Variants in TMEM50B observed in about 807,000 individuals in gnomAD.
The protein encoded by TMEM50B is HCV p7-trans-regulated protein 3.
In TMEM50B, 14 loss-of-function variants were observed where a neutral mutation model predicts 23.4. The ratio of observed to expected loss-of-function variants is 0.60; its 90% CI spans 0.39 to 0.93. The LOEUF is 0.93. TMEM50B is among the 40% of genes least tolerant of loss of function. The pLI, the probability that TMEM50B is intolerant of heterozygous loss-of-function variation, is 0.00. For synonymous variants in TMEM50B, 64 were observed against 62.3 expected, an observed-to-expected ratio of 1.03 and a Z score of -0.13; for missense variants, 159 against 193.0, an observed-to-expected ratio of 0.82 and a Z score of 1.04.
At chr21:33,472,567 A>C (rs35330441) in intron 1 of TMEM50B, among the ~76,000 whole-genome samples, 1 of 151,666 alleles carries the variant, frequency 6.6e-6, no homozygotes, top group Non-Finnish European at 1.5e-5. Flanking sequence ...AATAAGAAAT[A>C]AAAAAATTTT....
At chr21:33,451,831 T>A (rs1228927344) in intron 6 of TMEM50B, among the ~76,000 whole-genome samples, 1 of 110,270 alleles carries the variant, frequency 9.1e-6, no homozygotes, top group Non-Finnish European at 1.7e-5. Context: ...AAGGAGTTTC[T>A]TAAGGCCAAG....
At chr21:33,433,789 A>AT (rs35774330) in intron 8 of TMEM50B, among the ~76,000 whole-genome samples, 86,439 of 149,772 alleles carry the variant, frequency 0.58, 26,348 homozygotes, top group East Asian at 0.8. Flanking sequence ...CCACAATTTA[A>AT]TTTTTTTTTT....
intron 1 of TMEM50B, among the ~76,000 whole-genome samples, chr21:33,476,837 C>T (rs551002662): frequency 6.6e-6 from 1 of 150,944 alleles, no homozygotes; most frequent in Admixed American, 6.6e-5. Context: ...GTACAATCAT[C>T]TGTTTATATT....
chr21:33,438,803 C>T (rs940924304), intron 8 of TMEM50B, among the ~76,000 whole-genome samples: 6 of 151,960 alleles, frequency 3.9e-5, no homozygotes, highest in Non-Finnish European at 8.8e-5. Context: ...GATCTCAGCT[C>T]GCTGCAACCT....
chr21:33,448,968 A>G (rs1348029404), downstream of TMEM50B: 2 of 152,062 alleles, frequency 1.3e-5, no homozygotes, highest in Admixed American at 1.3e-4. Context: ...CACCATTTCC[A>G]GTCAGTCTTC....
chr21:33,460,772 C>G (rs938154962), intron 4 of TMEM50B, among the ~76,000 whole-genome samples: 1 of 152,042 alleles, frequency 6.6e-6, no homozygotes, highest in African/African-American at 2.4e-5. Context: ...AAAAATTACA[C>G]TGTTGTATAT....
chr21:33,446,666 A>AAAAAAAAAAAAC (rs2084060821), downstream of TMEM50B, among the ~76,000 whole-genome samples: 2 of 148,026 alleles, frequency 1.4e-5, no homozygotes, highest in African/African-American at 5.0e-5. Context: ...AAAAAAAAAA[A>AAAAAAAAAAAAC]AAAAAAAAAA....
intron 1 of TMEM50B, chr21:33,479,276 C>CCCCTT (rs1229172782): frequency 6.4e-6 from 1 of 155,814 alleles, no homozygotes; most frequent in African/African-American, 2.4e-5. Context: ...GAATGTTGTT[C>CCCCTT]CCCTTCCCTT....
rs2084103781 is a variant in TMEM50B at position 33,450,082 on chromosome 21, C to T, written c.*736G>A. 6.6e-6 allele frequency: 1 copy of T among 152,056 alleles called. No homozygotes were observed. The highest frequency in any genetic ancestry group is 1.5e-5 in the Non-Finnish European group (1 of 68,002). 9.4% of individuals were successfully genotyped at this position (152,056 alleles called of 1,614,324 possible). A position where few individuals can be genotyped will look rare whatever the true frequency, so the allele number is the denominator to read the frequency against. ...AATATTTTTTCTTTACCAAAAAAACCTCATTTTTAGGCCAAAATAAGTTAC... is the reference window on the plus strand; with the variant it reads ...AATATTTTTTCTTTACCAAAAAAACTTCATTTTTAGGCCAAAATAAGTTAC... On this transcript the variant is annotated 3_prime_UTR_variant, in exon 7 of 7. Transcript: ENST00000542230.
chr21:33,455,097 C>T (rs1004518483), intron 6 of TMEM50B, among the ~76,000 whole-genome samples: 2 of 151,640 alleles, frequency 1.3e-5, no homozygotes, highest in African/African-American at 4.9e-5. Flanking sequence ...GCAGCTTGGG[C>T]TACAGGGTGA....
intron 1 of TMEM50B, chr21:33,479,036 C>A: frequency 3.0e-6 from 1 of 334,388 alleles, no homozygotes; most frequent in Non-Finnish European, 5.9e-6. Context: ...CCCCCCGACC[C>A]AGGCACGCGC....
chr21:33,464,804 C>CAAAAGAAAAAAAAAAAA (rs2084249940), intron 4 of TMEM50B, among the ~76,000 whole-genome samples: 1 of 100,896 alleles, frequency 9.9e-6, no homozygotes, highest in Non-Finnish European at 2.2e-5. Flanking sequence ...AACTCCGTCT[C>CAAAAGAAAAAAAAAAAA]AAAAAAAAAA....
chr21:33,438,553 T>G (rs1267326533), intron 8 of TMEM50B, among the ~76,000 whole-genome samples: 1 of 152,088 alleles, frequency 6.6e-6, no homozygotes, highest in Admixed American at 6.5e-5. Context: ...ATCCCAGCAC[T>G]TTGGGAGGCC....
chr21:33,463,223 C>T (rs948142386), intron 4 of TMEM50B, among the ~76,000 whole-genome samples: 5 of 152,060 alleles, frequency 3.3e-5, no homozygotes, highest in Admixed American at 1.3e-4. Flanking sequence ...GCCTGGGAGG[C>T]GGAGGATGCA....
At chr21:33,463,492 A>G (rs1484873632) in intron 4 of TMEM50B, among the ~76,000 whole-genome samples, 2 of 152,168 alleles carry the variant, frequency 1.3e-5, no homozygotes, top group African/African-American at 4.8e-5. Context: ...AGTATTAACT[A>G]TAAAAAGGGG....
At chr21:33,436,895 T>C (rs751584676) in intron 8 of TMEM50B, 2 of 1,613,974 alleles carry the variant, frequency 1.2e-6, no homozygotes, top group Non-Finnish European at 8.5e-7. Flanking sequence ...AAGGATGACG[T>C]CTGGGACTCT....
chr21:33,470,763 A>G (rs1297437623), intron 1 of TMEM50B, among the ~76,000 whole-genome samples: 1 of 151,508 alleles, frequency 6.6e-6, no homozygotes, highest in Non-Finnish European at 1.5e-5. Flanking sequence ...GGTAGCATGC[A>G]CCTGTAATCC....
Position 33,450,555 on chromosome 21 carries a change from T to A in TMEM50B, c.*263A>T. On this transcript the variant is annotated 3_prime_UTR_variant, in exon 7 of 7. Coordinates refer to ENST00000542230, the MANE Select transcript of TMEM50B (RefSeq NM_006134.7). The stretch of plus-strand genomic sequence containing the variant: ...GATGATGTAACCCTGGCTCAGGGAG[T>A]AGATCAAGTTCTAAATCTCAGGAAT... The A allele has an allele frequency of 3.0e-6, 1 of 331,210 alleles. No homozygotes were observed. Among genetic ancestry groups the A allele is most frequent in the East Asian group, 4.8e-5 (1 of 21,008 alleles). The allele number at this position is 331,210 out of a possible 1,614,324, so 20.5% of individuals were successfully genotyped here.
chr21:33,444,455 G>A (rs980317975), downstream of TMEM50B, among the ~76,000 whole-genome samples: 4 of 151,966 alleles, frequency 2.6e-5, no homozygotes, highest in Non-Finnish European at 5.9e-5. Flanking sequence ...TGAGGAGAGA[G>A]GATCTCTTGA....
Sources: gnomAD v4.1 joint callset for allele counts (sites outside exome capture counted in the v4.1 genomes callset) on GRCh38, gnomAD v4.1.1 for gene constraint, MANE v1.5 for transcripts, NCBI Gene and HGNC (gene_info 2026-07-23, HGNC 2026-07-21) for gene names.